FREM2: variants seen among roughly 807,000 people sequenced by gnomAD.
FREM2 encodes the protein FRAS1-related extracellular matrix protein 2.
A neutral mutation model predicts 219.9 loss-of-function variants in FREM2; 119 were observed. The observed-to-expected ratio is 0.54, with a 90% CI of 0.47 to 0.63. The LOEUF (loss-of-function observed/expected upper bound fraction) is 0.63, where lower values mean the gene tolerates loss of function less well. Ranked by LOEUF, FREM2 falls within the 30% of genes least tolerant of loss-of-function variation. FREM2 has a pLI of 0.00. For missense variants in FREM2, 4,030 were observed against 3,993.6 expected (o/e 1.01, Z -0.25); for synonymous variants, 1,562 against 1,522.8 (o/e 1.03, Z -0.60).
intron 2 of FREM2, among the ~76,000 whole-genome samples, chr13:38,714,580 G>A (rs770356647): frequency 6.6e-6 from 1 of 152,154 alleles, no homozygotes; most frequent in Non-Finnish European, 1.5e-5. Context: ...AGATTACTAA[G>A]AGAGTGTATG....
intron 6 of FREM2, among the ~76,000 whole-genome samples, chr13:38,819,828 T>C (rs760461931): frequency 5.9e-5 from 9 of 152,112 alleles, no homozygotes; most frequent in Non-Finnish European, 1.0e-4. Flanking sequence ...GGTAAGCATT[T>C]AGCCAGCCTG....
chr13:38,718,303 A>C (rs948243690), intron 2 of FREM2, among the ~76,000 whole-genome samples: 2 of 152,236 alleles, frequency 1.3e-5, no homozygotes, highest in South Asian at 4.1e-4. Context: ...TTATCTAGTT[A>C]GCATTATTAA....
chr13:38,859,049 T>C (rs1449435060), intron 13 of FREM2, among the ~76,000 whole-genome samples: 1 of 152,112 alleles, frequency 6.6e-6, no homozygotes, highest in Non-Finnish European at 1.5e-5. Flanking sequence ...GAGATTATGG[T>C]ATAAATAACA....
At chr13:38,711,701 T>C (rs1021941625) in intron 2 of FREM2, among the ~76,000 whole-genome samples, 4 of 152,170 alleles carry the variant, frequency 2.6e-5, no homozygotes, top group South Asian at 2.1e-4. Flanking sequence ...TAAAATAGTC[T>C]TACTACTTCC....
At chr13:38,723,982 C>G (rs776236890) in intron 2 of FREM2, among the ~76,000 whole-genome samples, 5 of 152,162 alleles carry the variant, frequency 3.3e-5, no homozygotes, top group Non-Finnish European at 4.4e-5. Context: ...CTCTGCAGCC[C>G]GTGTTCTTAC....
chr13:38,817,248 AC>A (rs1365620555), intron 6 of FREM2, among the ~76,000 whole-genome samples: 1 of 152,042 alleles, frequency 6.6e-6, no homozygotes, highest in Non-Finnish European at 1.5e-5. Context: ...ACCCAAAACA[AC>A]CAAAGCAATC....
At chr13:38,714,526 T>C (rs1870905031) in intron 2 of FREM2, among the ~76,000 whole-genome samples, 1 of 152,202 alleles carries the variant, frequency 6.6e-6, no homozygotes, top group African/African-American at 2.4e-5. Context: ...TTTAAAACTA[T>C]ATGACATGGT....
chr13:38,873,764 T>C (rs936744282), intron 17 of FREM2, among the ~76,000 whole-genome samples: 1 of 152,358 alleles, frequency 6.6e-6, no homozygotes, highest in Admixed American at 6.5e-5. Flanking sequence ...ACCTCAAATG[T>C]AAATCTACTC....
Position 38,689,858 on chromosome 13 carries a change from T to G in FREM2, c.2514T>G (p.Thr838=), listed in dbSNP as rs768636466. Residue 838 remains threonine (T), a synonymous_variant, in exon 1 of 24, where the codon ACT becomes ACG. Transcript: ENST00000280481. The stretch of plus-strand genomic sequence containing the variant: ...CTGAGATCCTCAACACCGGCTTCAC[T>G]ATTCAGGAGAAGGGTCACCACATCC... ...QPPEILNTGF[T]IQEKGHHILS... The G allele has an allele frequency of 6.2e-7, 1 of 1,614,056 alleles. No individual in the cohort carries two copies. Among genetic ancestry groups the G allele is most frequent in the Admixed American group, 1.7e-5 (1 of 60,006 alleles).
rs1346309343 is a variant in FREM2, at chr13:38,691,164, G to C, written c.3820G>C (p.Glu1274Gln). Residue 1274 changes from glutamate (E) to glutamine (Q), a missense_variant, in exon 1 of 24, where the codon GAA becomes CAA. By Grantham distance (29) the Glu-to-Gln change is conservative. Coordinates refer to ENST00000280481, the MANE Select transcript of FREM2 (RefSeq NM_207361.6). ...TGAGCATGATGACTCCGAGACCCAG[G>C]AAGACAGTTTTGTGATTAAACTAAC... ...IYEHDDSETQ[E>Q]DSFVIKLTDG... is the part of the protein sequence containing the mutation. 2 of 1,613,948 alleles carry C rather than the reference G, an allele frequency of 1.2e-6. No individual in the cohort carries two copies. Among genetic ancestry groups the C allele is most frequent in the Non-Finnish European group, 1.7e-6 (2 of 1,180,018 alleles).
At chr13:38,765,189 C>G (rs1314570254) in intron 3 of FREM2, among the ~76,000 whole-genome samples, 4 of 152,128 alleles carry the variant, frequency 2.6e-5, no homozygotes, top group African/African-American at 7.2e-5. Context: ...GGATTACAGG[C>G]GTGAGCCACC....
chr13:38,880,430 G>A lies in FREM2; in HGVS notation c.9153G>A (p.Lys3051=). 6.2e-7 allele frequency: 1 copy of A among 1,614,146 alleles called. No homozygotes were observed. The highest frequency in any genetic ancestry group is 2.2e-5 in the East Asian group (1 of 44,870). ...CCCAATCCACCACCAAGAGCCGGAA[G>A]AAGAGAGAGATCAGGAGCACACCCT... The part of the protein sequence containing the change: ...GKPQSTTKSR[K]KREIRSTPSL... Residue 3051 remains lysine, a synonymous_variant, in exon 24 of 24, where the codon AAG becomes AAA. Coordinates refer to ENST00000280481, the MANE Select transcript of FREM2 (RefSeq NM_207361.6).
In FREM2 at chr13:38,830,842, T is replaced by TAA. The variant is rs1484002457; in HGVS notation, c.6020-15731_6020-15730insAA. ...GGGAACCTCTGCACTACAGCAGCTG[T>TAA]CACCTGTTACAATCACTCTGCCCTC... On this transcript the variant is annotated intron_variant, in intron 6 of 23. Coordinates refer to ENST00000280481, the MANE Select transcript of FREM2 (RefSeq NM_207361.6). 7.9e-5 allele frequency among the ~76,000 whole-genome samples: 12 copies of TAA among 152,316 alleles called. No homozygotes were observed. In the East Asian group the frequency reaches 2.1e-3, roughly 27 times the overall value.
chr13:38,835,212 C>T (rs1876662301), intron 6 of FREM2, among the ~76,000 whole-genome samples: 1 of 152,162 alleles, frequency 6.6e-6, no homozygotes, highest in African/African-American at 2.4e-5. Flanking sequence ...GGAATCATTT[C>T]CCTATTTCTT....
At chr13:38,873,811 T>G (rs1266565596) in intron 17 of FREM2, among the ~76,000 whole-genome samples, 1 of 152,218 alleles carries the variant, frequency 6.6e-6, no homozygotes, top group Non-Finnish European at 1.5e-5. Flanking sequence ...GCTCTGTTCA[T>G]TTTGTTGTTG....
At chr13:38,730,711 T>C (rs1460825102) in intron 2 of FREM2, among the ~76,000 whole-genome samples, 5 of 152,228 alleles carry the variant, frequency 3.3e-5, no homozygotes, top group Non-Finnish European at 7.3e-5. Context: ...TTTACAAGAC[T>C]AAAATGCTTT....
intron 6 of FREM2, among the ~76,000 whole-genome samples, chr13:38,799,858 G>C (rs1662631816): frequency 6.6e-6 from 1 of 151,726 alleles, no homozygotes; most frequent in Non-Finnish European, 1.5e-5. Flanking sequence ...ATCTATATGT[G>C]TCTTTGAAGG....
intron 6 of FREM2, among the ~76,000 whole-genome samples, chr13:38,813,806 A>G (rs1362473379): frequency 6.6e-6 from 1 of 150,790 alleles, no homozygotes; most frequent in African/African-American, 2.4e-5. Context: ...CTCTTTCTCT[A>G]CCTTCTCTTT....
chr13:38,799,533 A>G (rs1023680601), intron 6 of FREM2, among the ~76,000 whole-genome samples: 1 of 152,012 alleles, frequency 6.6e-6, no homozygotes, highest in East Asian at 1.9e-4. Flanking sequence ...TTCTGTCTCA[A>G]TGATCTGTCT....
Sources: allele counts gnomAD v4.1 joint callset (sites outside exome capture counted in the v4.1 genomes callset), GRCh38; gene constraint gnomAD v4.1.1; transcripts MANE v1.5; gene names NCBI Gene and HGNC (gene_info 2026-07-23, HGNC 2026-07-21).